The following ZFPM2 variants were observed in gnomAD, a reference collection of about 807,000 sequenced individuals.
ZFPM2 encodes zinc finger protein, FOG family member 2.
A neutral mutation model predicts 98.6 loss-of-function variants in ZFPM2; 20 were observed. The ratio of observed to expected loss-of-function variants is 0.20; its 90% CI spans 0.14 to 0.29. The LOEUF (loss-of-function observed/expected upper bound fraction) is 0.29. Among genes scored for constraint, ZFPM2 ranks in the 10% least tolerant of loss-of-function variants. ZFPM2 has a pLI of 1.00. For missense variants in ZFPM2, 1,310 were observed against 1,388.6 expected (o/e 0.94, Z 0.90); for synonymous variants, 518 against 502.7 (o/e 1.03, Z -0.41).
intron 1 of ZFPM2, chr8:105,387,355 A>G: frequency 6.1e-6 from 1 of 163,820 alleles, no homozygotes; most frequent in South Asian, 1.5e-4. Flanking sequence ...TGGGTGGTCG[A>G]TGGGACTGGG....
chr8:105,442,261 A>G (rs1286901154), intron 2 of ZFPM2, among the ~76,000 whole-genome samples: 1 of 151,910 alleles, frequency 6.6e-6, no homozygotes, highest in Non-Finnish European at 1.5e-5. Flanking sequence ...GGAGAATGGC[A>G]TGAACTCAGG....
At chr8:105,391,273 A>T (rs1811102663) in intron 1 of ZFPM2, among the ~76,000 whole-genome samples, 1 of 152,196 alleles carries the variant, frequency 6.6e-6, no homozygotes, top group Non-Finnish European at 1.5e-5. Context: ...ATAATGAATA[A>T]ATAGTGCATA....
intron 1 of ZFPM2, among the ~76,000 whole-genome samples, chr8:105,393,093 C>T (rs377352763): frequency 1.3e-5 from 2 of 152,132 alleles, no homozygotes; most frequent in African/African-American, 2.4e-5. Flanking sequence ...GTGGTGCTTT[C>T]CATCTGTAAC....
rs145646442 is a variant in ZFPM2 at position 105,667,789 on chromosome 8, A to G, written c.532+33432A>G. Among the ~76,000 whole-genome samples, 713 of 152,330 alleles carry G rather than the reference A, an allele frequency of 4.7e-3. 6 individuals are homozygous for G. Among genetic ancestry groups the G allele is most frequent in the African/African-American group, 0.016 (657 of 41,582 alleles). ...ATTCTCACTTTTTTTGTTTTAAAAG[A>G]TAGTTATTTTTATAAAAACATTTTA... On this transcript the variant is annotated intron_variant, in intron 5 of 7. Coordinates refer to ENST00000407775, the MANE Select transcript of ZFPM2 (RefSeq NM_012082.4).
At chr8:105,590,080 T>G (rs187117423) in intron 4 of ZFPM2, among the ~76,000 whole-genome samples, 5 of 152,310 alleles carry the variant, frequency 3.3e-5, no homozygotes, top group Non-Finnish European at 5.9e-5. Context: ...TCCCCTTTCT[T>G]TTTGAATTAG....
intron 5 of ZFPM2, among the ~76,000 whole-genome samples, chr8:105,681,846 A>G (rs569457462): frequency 2.6e-5 from 4 of 152,180 alleles, no homozygotes; most frequent in East Asian, 3.9e-4. Context: ...TTTTTTTTCA[A>G]CACTGACATT....
Position 105,318,896 on chromosome 8 carries a change from G to GACCGCGGGC in ZFPM2, c.-37_-29dup, listed in dbSNP as rs1188609694. On this transcript the variant is annotated 5_prime_UTR_variant, in exon 1 of 8. Transcript: ENST00000407775. Reference sequence around the variant, plus strand: ...CGGGAGCCGAGGGAGCGGCAGCCGCGACCGCGGGCACCGCGGGAGCCCCAG... The same window carrying GACCGCGGGC: ...CGGGAGCCGAGGGAGCGGCAGCCGCGACCGCGGGCACCGCGGGCACCGCGGGAGCCCCAG... 1 of 1,267,536 alleles carries GACCGCGGGC rather than the reference G, an allele frequency of 7.9e-7. No homozygotes were observed. The highest frequency in any genetic ancestry group is 1.6e-5 in the African/African-American group (1 of 63,242). 78.5% of individuals were successfully genotyped at this position (1,267,536 alleles called of 1,614,324 possible).
At chr8:105,795,379 G>C (rs1488223551) in intron 6 of ZFPM2, among the ~76,000 whole-genome samples, 1 of 150,876 alleles carries the variant, frequency 6.6e-6, no homozygotes, top group Admixed American at 6.6e-5. Context: ...ACACAAAGCT[G>C]ATGTTCTACA....
chr8:105,425,038 TGAGTC>T (rs150336248), intron 2 of ZFPM2, among the ~76,000 whole-genome samples: 1,991 of 152,250 alleles, frequency 0.013, 41 homozygotes, highest in African/African-American at 0.045. Flanking sequence ...CTTCCAGTAC[TGAGTC>T]AAGTCTGCAG....
intron 3 of ZFPM2, among the ~76,000 whole-genome samples, chr8:105,520,671 G>A (rs1307774742): frequency 6.6e-6 from 1 of 151,950 alleles, no homozygotes; most frequent in Non-Finnish European, 1.5e-5. Flanking sequence ...GGAACAAAGC[G>A]TTCCAGTGAT....
chr8:105,483,843 C>T (rs931314336), intron 3 of ZFPM2, among the ~76,000 whole-genome samples: 1 of 151,106 alleles, frequency 6.6e-6, no homozygotes, highest in African/African-American at 2.4e-5. Flanking sequence ...ATGCCATTCT[C>T]CTGCCTCAGC....
At chr8:105,605,918 C>G (rs890126337) in intron 4 of ZFPM2, among the ~76,000 whole-genome samples, 5 of 152,014 alleles carry the variant, frequency 3.3e-5, no homozygotes, top group African/African-American at 4.8e-5. Flanking sequence ...TTATCCTCTT[C>G]CATCTGATGT....
At chr8:105,725,859 T>C (rs1349551725) in intron 5 of ZFPM2, among the ~76,000 whole-genome samples, 2 of 151,712 alleles carry the variant, frequency 1.3e-5, no homozygotes, top group East Asian at 2.0e-4. Context: ...CTTTCAGTTT[T>C]AGCTTAATTT....
rs563498036 is a variant in ZFPM2 at position 105,699,643 on chromosome 8, C to T, written c.532+65286C>T. Among the ~76,000 whole-genome samples, 40 of 152,178 alleles carry T rather than the reference C, an allele frequency of 2.6e-4. 1 individual carries two copies. The South Asian group carries it at 7.7e-3, about 29-fold the overall frequency. On this transcript the variant is annotated intron_variant, in intron 5 of 7. Transcript: ENST00000407775. The stretch of plus-strand genomic sequence containing the variant: ...AAAGTGAATAATGGCAATGATTCCA[C>T]TGAAAATTAACTTTGAATTAATGCG...
Position 105,794,813 on chromosome 8 carries a change from C to T in ZFPM2, c.740-3911C>T, listed in dbSNP as rs536041420. 9.2e-5 allele frequency among the ~76,000 whole-genome samples: 14 copies of T among 152,284 alleles called. No homozygotes were observed. In the South Asian group the frequency reaches 1.5e-3, roughly 16 times the overall value. On this transcript the variant is annotated intron_variant, in intron 6 of 7. Coordinates refer to ENST00000407775, the MANE Select transcript of ZFPM2 (RefSeq NM_012082.4). ...GGCGCCCCTCCCCCAGCCTCGCTGC[C>T]GCCTTGCAGTTTGATCTCAGACTGC... is the stretch of plus-strand genomic sequence containing the variant.
At chr8:105,615,666 TGTTTCATGA>T (rs963761247) in intron 4 of ZFPM2, among the ~76,000 whole-genome samples, 9 of 152,298 alleles carry the variant, frequency 5.9e-5, no homozygotes, top group African/African-American at 2.2e-4. Flanking sequence ...TGGAGAAGTC[TGTTTCATGA>T]GTTTCATCTA....
intron 5 of ZFPM2, among the ~76,000 whole-genome samples, chr8:105,772,185 T>C (rs568724245): frequency 4.6e-5 from 7 of 152,270 alleles, no homozygotes; most frequent in African/African-American, 1.4e-4. Flanking sequence ...GAACTTCCAC[T>C]TAAGAATGGC....
chr8:105,702,292 G>T (rs79503947), intron 5 of ZFPM2, among the ~76,000 whole-genome samples: 5,133 of 152,330 alleles, frequency 0.034, 96 homozygotes, highest in Middle Eastern at 0.048. Flanking sequence ...GCCACAGAAT[G>T]TAACAGCAGC....
intron 3 of ZFPM2, among the ~76,000 whole-genome samples, chr8:105,540,255 A>T (rs1287209448): frequency 6.6e-6 from 1 of 152,080 alleles, no homozygotes; most frequent in African/African-American, 2.4e-5. Flanking sequence ...TTGTTGGAGG[A>T]TGTTAAGCAA....
Sources: allele counts gnomAD v4.1 joint callset (sites outside exome capture counted in the v4.1 genomes callset), GRCh38; gene constraint gnomAD v4.1.1; transcripts MANE v1.5; gene names NCBI Gene and HGNC (gene_info 2026-07-23, HGNC 2026-07-21).